EFR3B: variants seen among roughly 807,000 people sequenced by gnomAD.
EFR3B encodes EFR3 homolog B.
Under a neutral mutation model 104.7 loss-of-function variants are expected in EFR3B, and 64 were observed. That is an observed-to-expected ratio of 0.61 (90% CI 0.50 to 0.75). The LOEUF (loss-of-function observed/expected upper bound fraction) is 0.75, where lower values mean the gene tolerates loss of function less well. EFR3B is among the 30% of genes least tolerant of loss of function. The pLI is 0.00. For synonymous variants in EFR3B, 385 were observed against 417.9 expected, an observed-to-expected ratio of 0.92 and a Z score of 0.96; for missense variants, 750 against 1,078.5, an observed-to-expected ratio of 0.70 and a Z score of 4.27.
At chr2:25,087,918 A>G (rs1669003135) in intron 1 of EFR3B, among the ~76,000 whole-genome samples, 1 of 152,194 alleles carries the variant, frequency 6.6e-6, no homozygotes, top group Non-Finnish European at 1.5e-5. Flanking sequence ...AAGAAGTTTT[A>G]TAGCTTTGAG....
In EFR3B at chr2:25,124,636, A is replaced by G. The variant is rs562312438; in HGVS notation, c.485+2842A>G. ...GCACCTGTAATCCCAGCTACTCGGG[A>G]GGCTGAGGCAGGAGAATTGTGTAAA... is the stretch of plus-strand genomic sequence containing the variant. On this transcript the variant is annotated intron_variant, in intron 5 of 22. Transcript: ENST00000403714. Among the ~76,000 whole-genome samples the G allele has an allele frequency of 2.2e-4, 32 of 147,934 alleles. No homozygotes were observed. The South Asian group carries it at 7.0e-3, about 32-fold the overall frequency.
chr2:25,151,057 TAAA>T (rs200604743), intron 20 of EFR3B, among the ~76,000 whole-genome samples: 1 of 133,644 alleles, frequency 7.5e-6, no homozygotes, highest in East Asian at 2.1e-4. Context: ...TCATCTCTAT[TAAA>T]AAAAAAAAAA....
chr2:25,057,569 G>C (rs1668058056), intron 1 of EFR3B, among the ~76,000 whole-genome samples: 1 of 151,956 alleles, frequency 6.6e-6, no homozygotes, highest in Non-Finnish European at 1.5e-5. Context: ...ATCACCTGAG[G>C]TCGGGAGTTC....
chr2:25,050,927 A>G (rs1013094972), intron 1 of EFR3B, among the ~76,000 whole-genome samples: 2 of 152,200 alleles, frequency 1.3e-5, no homozygotes, highest in Non-Finnish European at 2.9e-5. Flanking sequence ...TTTTCAAAAT[A>G]TAGTCACTTT....
intron 1 of EFR3B, among the ~76,000 whole-genome samples, chr2:25,084,535 G>A (rs773198989): frequency 1.3e-5 from 2 of 152,166 alleles, no homozygotes; most frequent in Admixed American, 1.3e-4. Context: ...CACCGTGACC[G>A]GCCAGTCTCA....
intron 4 of EFR3B, among the ~76,000 whole-genome samples, chr2:25,111,430 C>A (rs1669722752): frequency 6.6e-6 from 1 of 151,972 alleles, no homozygotes; most frequent in African/African-American, 2.4e-5. Flanking sequence ...GGATCCCACC[C>A]TTGTTCACAC....
chr2:25,152,834 GTGTGTGTGTA>G (rs66754042), intron 21 of EFR3B, among the ~76,000 whole-genome samples: 31,271 of 131,838 alleles, frequency 0.24, 4,140 homozygotes, highest in Non-Finnish European at 0.34. Context: ...GTGTGTGTGT[GTGTGTGTGTA>G]TATAAAACAC....
intron 1 of EFR3B, among the ~76,000 whole-genome samples, chr2:25,076,629 A>G (rs948134537): frequency 6.6e-6 from 1 of 152,196 alleles, no homozygotes; most frequent in African/African-American, 2.4e-5. Flanking sequence ...GAGACAGAGA[A>G]TGGAAAAACA....
At chr2:25,152,123 C>A in intron 21 of EFR3B, 103 bp downstream of exon 21, 1 of 1,087,070 alleles carries the variant, frequency 9.2e-7, no homozygotes, top group Non-Finnish European at 1.3e-6. Context: ...TCTTTGACCA[C>A]CAACCTCCCC....
chr2:25,067,684 C>T (rs1262772844), intron 1 of EFR3B, among the ~76,000 whole-genome samples: 1 of 152,042 alleles, frequency 6.6e-6, no homozygotes, highest in Admixed American at 6.6e-5. Context: ...TGCCTGGCCA[C>T]AGCCTCCTTT....
intron 1 of EFR3B, among the ~76,000 whole-genome samples, chr2:25,076,925 A>G (rs1330868338): frequency 6.6e-6 from 1 of 152,226 alleles, no homozygotes; most frequent in East Asian, 1.9e-4. Context: ...GGGAGAATTC[A>G]GCTGCTGTTT....
chr2:25,107,570 G>A (rs768753580), intron 4 of EFR3B, among the ~76,000 whole-genome samples: 12 of 152,082 alleles, frequency 7.9e-5, no homozygotes, highest in South Asian at 2.1e-4. Context: ...CTACTGACCC[G>A]TTCTAGTCTT....
In EFR3B at chr2:25,154,386, G is replaced by C. The variant is rs1417924333; in HGVS notation, c.*46G>C. ...TCAAGGAGATGGGGTCTGAGGAGGG[G>C]CTCACCTCACGCCCACCCCGACCAC... is the stretch of plus-strand genomic sequence containing the variant. On this transcript the variant is annotated 3_prime_UTR_variant, in exon 23 of 23. Transcript: ENST00000403714. This position sits in a 1 kb window ranked among gnomAD's most constrained non-coding sequence, Gnocchi z 4.1. The C allele has an allele frequency of 6.7e-7, 1 of 1,498,656 alleles. No individual in the cohort carries two copies. The highest frequency in any genetic ancestry group is 1.2e-5 in the South Asian group (1 of 82,830). 92.8% of individuals were successfully genotyped at this position (1,498,656 alleles called of 1,614,324 possible). A position where few individuals can be genotyped will look rare whatever the true frequency, so the allele number is the denominator to read the frequency against.
At chr2:25,080,692 T>C in intron 1 of EFR3B, 1 of 799,010 alleles carries the variant, frequency 1.3e-6, no homozygotes, top group Non-Finnish European at 2.1e-6. Flanking sequence ...GAGATCTGCC[T>C]TAGCAGCGTC....
chr2:25,135,698 T>C, intron 13 of EFR3B, 59 bp downstream of exon 13: 1 of 1,532,324 alleles, frequency 6.5e-7, no homozygotes, highest in Non-Finnish European at 8.8e-7. Flanking sequence ...CTCCATTAGG[T>C]CCTATCCTTT....
In EFR3B at chr2:25,136,236, T is replaced by G. The variant is rs528138734; in HGVS notation, c.1485-287T>G. Among the ~76,000 whole-genome samples the G allele has an allele frequency of 1.3e-5, 2 of 151,840 alleles. No homozygotes were observed. Among genetic ancestry groups the G allele is most frequent in the Admixed American group, 1.3e-4 (2 of 15,242 alleles). On this transcript the variant is annotated intron_variant, in intron 13 of 22. Transcript: ENST00000403714. The surrounding 1 kb of genome is among the most constrained non-coding windows in gnomAD (Gnocchi z 4.0). ...GGGAGGCTGAGTTGGGAGGATTGCT[T>G]GAGCCCTGGAGGTTAAGGCTGCAGA...
rs1277945870 is a variant in EFR3B at position 25,141,245 on chromosome 2, A to G, written c.1855-121A>G. 3 of 1,003,436 alleles carry G rather than the reference A, an allele frequency of 3.0e-6. No homozygotes were observed. In the African/African-American group the frequency reaches 4.9e-5, roughly 17 times the overall value. The allele number at this position is 1,003,436 out of a possible 1,614,324, so 62.2% of individuals were successfully genotyped here. ...TCCACTGAAAAGCTCAGCTGAGGAC[A>G]CTGTGCTGAGGAGGCTGTGGGAGGG... On this transcript the variant is annotated intron_variant, in intron 16 of 22. Coordinates refer to ENST00000403714, the MANE Select transcript of EFR3B (RefSeq NM_014971.2).
At position 25,140,182 on chromosome 2, in the gene EFR3B, G is replaced by A. The variant is rs151237876; in HGVS notation, c.1854+992G>A. Reference sequence around the variant, plus strand: ...ACAAAAATTAGCTGGGCATGGTGGCGCACACCTGTAGTCCCAGCTACTCAG... The same window carrying A: ...ACAAAAATTAGCTGGGCATGGTGGCACACACCTGTAGTCCCAGCTACTCAG... On this transcript the variant is annotated intron_variant, in intron 16 of 22. Coordinates refer to ENST00000403714, the MANE Select transcript of EFR3B (RefSeq NM_014971.2). Among the ~76,000 whole-genome samples, 3,429 of 152,080 alleles carry A rather than the reference G, an allele frequency of 0.023. 307 individuals carry two copies. In the East Asian group the frequency reaches 0.3, roughly 13 times the overall value.
chr2:25,095,446 A>G (rs928905127), intron 3 of EFR3B, among the ~76,000 whole-genome samples: 6 of 152,202 alleles, frequency 3.9e-5, no homozygotes, highest in Non-Finnish European at 7.4e-5. Flanking sequence ...CTGTAATCCC[A>G]GCACTTTGGA....
Sources: gnomAD v4.1 joint callset for allele counts (sites outside exome capture counted in the v4.1 genomes callset) on GRCh38, gnomAD v4.1.1 for gene constraint, Gnocchi (gnomAD v3.1) non-coding constraint, MANE v1.5 for transcripts, NCBI Gene and HGNC (gene_info 2026-07-23, HGNC 2026-07-21) for gene names.